Variants in TMEM229B observed in about 807,000 individuals in gnomAD.
The protein encoded by TMEM229B is chromosome 14 open reading frame 83.
TMEM229B carries 6 observed loss-of-function variants against 13.7 expected under a neutral mutation model. That is an observed-to-expected ratio of 0.44 (90% CI 0.24 to 0.86). TMEM229B has a LOEUF of 0.86. Among genes scored for constraint, TMEM229B ranks in the 40% least tolerant of loss-of-function variants. TMEM229B has a pLI of 0.23. For missense variants in TMEM229B, 170 were observed against 236.0 expected, an observed-to-expected ratio of 0.72 and a Z score of 1.83; for synonymous variants, 107 against 102.1, an observed-to-expected ratio of 1.05 and a Z score of -0.29.
At chr14:67,474,254 A>C (rs1274577802) in intron 2 of TMEM229B, among the ~76,000 whole-genome samples, 1 of 110,580 alleles carries the variant, frequency 9.0e-6, no homozygotes, top group Non-Finnish European at 1.8e-5. Context: ...TCTGTCTCCA[A>C]AAAAACAAAA....
At chr14:67,493,968 T>C (rs2032267480) in intron 1 of TMEM229B, among the ~76,000 whole-genome samples, 1 of 152,068 alleles carries the variant, frequency 6.6e-6, no homozygotes, top group Non-Finnish European at 1.5e-5. Flanking sequence ...CTGCTCTCCA[T>C]CTGAACCAAT....
chr14:67,478,942 A>G (rs1481307894), intron 2 of TMEM229B, among the ~76,000 whole-genome samples: 3 of 152,166 alleles, frequency 2.0e-5, no homozygotes, highest in Non-Finnish European at 4.4e-5. Flanking sequence ...TGAATATTCA[A>G]CCTAACTCCG....
At chr14:67,508,940 G>A (rs1490931896) in intron 1 of TMEM229B, among the ~76,000 whole-genome samples, 4 of 151,854 alleles carry the variant, frequency 2.6e-5, no homozygotes, top group African/African-American at 4.8e-5. Flanking sequence ...GTCATAATCA[G>A]GTCTCCACAG....
intron 2 of TMEM229B, among the ~76,000 whole-genome samples, chr14:67,485,600 G>A (rs1231598608): frequency 1.3e-5 from 2 of 152,228 alleles, no homozygotes; most frequent in East Asian, 1.9e-4. Context: ...TGCCTTCTGG[G>A]GAGCTTCCTT....
At position 67,484,919 on chromosome 14, in the gene TMEM229B, T is replaced by C. The variant is rs191214159; in HGVS notation, c.-19+2081A>G. Among the ~76,000 whole-genome samples the C allele has an allele frequency of 5.3e-5, 8 of 152,354 alleles. No individual in the cohort carries two copies. In the East Asian group the frequency reaches 1.5e-3, roughly 29 times the overall value. On this transcript the variant is annotated intron_variant, in intron 2 of 2. Transcript: ENST00000554480. ...TTGTCATAACTGTTTTTCCAAGTTG[T>C]TATATAGCCTCTGTGCTCATTATTA...
chr14:67,490,781 C>G (rs1240585724), upstream of TMEM229B, among the ~76,000 whole-genome samples: 1 of 152,118 alleles, frequency 6.6e-6, no homozygotes, highest in Non-Finnish European at 1.5e-5. Flanking sequence ...TTTTTACCCC[C>G]ACTCTCCTTT....
chr14:67,532,768 G>A (rs182917257), intron 1 of TMEM229B, among the ~76,000 whole-genome samples: 106 of 152,282 alleles, frequency 7.0e-4, no homozygotes, highest in African/African-American at 2.3e-3. Flanking sequence ...CATTTGGTCT[G>A]CCAGACTGAA....
rs1450739811 is a variant in TMEM229B, at chr14:67,472,289, T to A, written c.*1131A>T. 1 of 152,318 alleles carries A rather than the reference T, an allele frequency of 6.6e-6. No individual in the cohort carries two copies. The highest frequency in any genetic ancestry group is 1.5e-5 in the Non-Finnish European group (1 of 68,102). The allele number at this position is 152,318 out of a possible 1,614,324, so 9.4% of individuals were successfully genotyped here. A position where few individuals can be genotyped will look rare whatever the true frequency, so the allele number is the denominator to read the frequency against. On this transcript the variant is annotated 3_prime_UTR_variant, in exon 3 of 3. Coordinates refer to ENST00000554480, the MANE Select transcript of TMEM229B (RefSeq NM_001348543.2). ...CTCATTCTCCATCAGTCTCCAATGC[T>A]GGATACCTGGCTTCTCCATCCCATA... is the stretch of plus-strand genomic sequence containing the variant.
intron 2 of TMEM229B, among the ~76,000 whole-genome samples, chr14:67,481,376 G>A (rs1007556842): frequency 6.6e-6 from 1 of 152,216 alleles, no homozygotes; most frequent in Admixed American, 6.5e-5. Context: ...CTGGGCAGCA[G>A]GAAGCCATGG....
upstream of TMEM229B, among the ~76,000 whole-genome samples, chr14:67,519,864 A>G (rs2033265663): frequency 6.6e-6 from 1 of 152,158 alleles, no homozygotes; most frequent in South Asian, 2.1e-4. Context: ...CTGGGACTAC[A>G]GGCGTACGCC....
intron 1 of TMEM229B, among the ~76,000 whole-genome samples, chr14:67,496,391 GTTTTT>G (rs555715850): frequency 3.3e-5 from 1 of 30,108 alleles, no homozygotes; most frequent in Non-Finnish European, 5.8e-5. Flanking sequence ...CTGCTCCGGC[GTTTTT>G]TTTTTTTTTT....
intron 1 of TMEM229B, among the ~76,000 whole-genome samples, chr14:67,531,902 C>A (rs1396197913): frequency 1.7e-5 from 2 of 121,180 alleles, no homozygotes; most frequent in African/African-American, 6.8e-5. Flanking sequence ...ACAAGAAGAA[C>A]CTATGTCCAA....
chr14:67,473,419 C>T lies in TMEM229B; in HGVS notation c.*1G>A. Reference sequence around the variant, plus strand: ...CCCCAGGCCCCCCACCCGCTTCCTGCTCAGTCAGTCTTGACATGGCCGTTG... The same window carrying T: ...CCCCAGGCCCCCCACCCGCTTCCTGTTCAGTCAGTCTTGACATGGCCGTTG... On this transcript the variant is annotated 3_prime_UTR_variant, in exon 3 of 3. Transcript: ENST00000554480. This position sits in a 1 kb window ranked among gnomAD's most constrained non-coding sequence, Gnocchi z 6.5. The T allele has an allele frequency of 6.2e-7, 1 of 1,612,836 alleles. No homozygotes were observed. The highest frequency in any genetic ancestry group is 8.5e-7 in the Non-Finnish European group (1 of 1,179,138).
At chr14:67,505,107 A>C (rs2032770427) in intron 1 of TMEM229B, among the ~76,000 whole-genome samples, 1 of 152,184 alleles carries the variant, frequency 6.6e-6, no homozygotes, top group Non-Finnish European at 1.5e-5. Context: ...ACCAAGATGC[A>C]ACAGGTATAA....
chr14:67,484,806 G>A (rs1236875271), intron 2 of TMEM229B, among the ~76,000 whole-genome samples: 1 of 152,080 alleles, frequency 6.6e-6, no homozygotes, highest in East Asian at 1.9e-4. Context: ...AACTAACAGC[G>A]ATTACCATTT....
upstream of TMEM229B, among the ~76,000 whole-genome samples, chr14:67,518,191 G>T (rs548125402): frequency 1.1e-3 from 172 of 152,276 alleles, no homozygotes; most frequent in African/African-American, 3.9e-3. Context: ...CCCCTGCTTT[G>T]CCTTCGTGTC....
intron 1 of TMEM229B, among the ~76,000 whole-genome samples, chr14:67,508,752 T>TAAAAAAAAAAAAAAAAAAAAAA: frequency 5.3e-5 from 1 of 18,868 alleles, no homozygotes; most frequent in Non-Finnish European, 1.7e-4. Context: ...AAACCTTGTC[T>TAAAAAAAAAAAAAAAAAAAAAA]CAAAAAAAAA....
intron 2 of TMEM229B, among the ~76,000 whole-genome samples, chr14:67,479,584 G>A (rs976669943): frequency 2.6e-5 from 4 of 151,996 alleles, no homozygotes; most frequent in African/African-American, 9.7e-5. Flanking sequence ...CGGGCATGGT[G>A]GCATGCACCT....
At chr14:67,519,753 C>T (rs1456666751), upstream of TMEM229B, among the ~76,000 whole-genome samples, 2 of 149,354 alleles carry the variant, frequency 1.3e-5, no homozygotes, top group South Asian at 2.1e-4. Context: ...GACAGGTTCT[C>T]GTTCTGTTGC....
Sources: gnomAD v4.1 joint callset for allele counts (sites outside exome capture counted in the v4.1 genomes callset) on GRCh38, gnomAD v4.1.1 for gene constraint, Gnocchi (gnomAD v3.1) non-coding constraint, MANE v1.5 for transcripts, NCBI Gene and HGNC (gene_info 2026-07-23, HGNC 2026-07-21) for gene names.